Variants in KLHL1 observed in about 807,000 individuals in gnomAD.
The protein encoded by KLHL1 is kelch-like protein 1.
Under a neutral mutation model 77.7 loss-of-function variants are expected in KLHL1, and 47 were observed. The observed-to-expected ratio is 0.60, with a 90% CI of 0.48 to 0.77. The LOEUF (loss-of-function observed/expected upper bound fraction) is 0.77. Among genes scored for constraint, KLHL1 ranks in the 30% least tolerant of loss-of-function variants. The pLI, the probability that KLHL1 is intolerant of heterozygous loss-of-function variation, is 0.00. For missense variants in KLHL1, 925 were observed against 910.8 expected, an observed-to-expected ratio of 1.02 and a Z score of -0.20; for synonymous variants, 360 against 325.2, an observed-to-expected ratio of 1.11 and a Z score of -1.15.
intron 1 of KLHL1, among the ~76,000 whole-genome samples, chr13:70,049,285 T>C (rs547327691): frequency 5.9e-5 from 9 of 152,270 alleles, no homozygotes; most frequent in African/African-American, 1.9e-4. Flanking sequence ...ATTCTTTTAT[T>C]TCTTGTTGTC....
At chr13:70,036,215 T>C (rs1886235516) in intron 1 of KLHL1, among the ~76,000 whole-genome samples, 1 of 151,974 alleles carries the variant, frequency 6.6e-6, no homozygotes, top group South Asian at 2.1e-4. Flanking sequence ...TTTAGAAACA[T>C]TGCTGCTAGG....
chr13:70,085,959 G>A (rs1245756038), intron 1 of KLHL1, among the ~76,000 whole-genome samples: 1 of 152,088 alleles, frequency 6.6e-6, no homozygotes, highest in East Asian at 1.9e-4. Context: ...ATTTCATATT[G>A]CTAAGTAAAA....
chr13:69,943,620 C>A (rs2137243067), intron 3 of KLHL1, among the ~76,000 whole-genome samples: 1 of 151,908 alleles, frequency 6.6e-6, no homozygotes, highest in Non-Finnish European at 1.5e-5. Context: ...TTACAGAAAC[C>A]TATATTTGTA....
At chr13:69,883,258 A>G (rs1881068875) in intron 4 of KLHL1, among the ~76,000 whole-genome samples, 1 of 152,044 alleles carries the variant, frequency 6.6e-6, no homozygotes, top group Non-Finnish European at 1.5e-5. Flanking sequence ...TTTGGTTCAA[A>G]TTTCTTGTTT....
At chr13:70,103,137 A>G (rs1051946270) in intron 1 of KLHL1, among the ~76,000 whole-genome samples, 1 of 152,220 alleles carries the variant, frequency 6.6e-6, no homozygotes, top group Non-Finnish European at 1.5e-5. Flanking sequence ...TATGCATGAC[A>G]TCTCTGTGAT....
rs1467934506 is a variant in KLHL1 at position 69,961,332 on chromosome 13, C to A, written c.793G>T (p.Asp265Tyr). 1.9e-6 allele frequency: 3 copies of A among 1,612,438 alleles called. No homozygotes were observed. The South Asian group carries it at 3.3e-5, about 18-fold the overall frequency. The change falls in exon 3 of 11, where the codon GAC becomes TAC. Residue 265 changes from aspartate to tyrosine, a missense_variant. Coordinates refer to ENST00000377844, the MANE Select transcript of KLHL1 (RefSeq NM_020866.3). ...CCTGTATATGCAAATTGGACAAGGT[C>A]CCAGAGAGCATTGGGGTCTATGCCT... ...MEGIDPNALWDLVQFAYTGCL... is the reference protein window; with the variant it reads ...MEGIDPNALWYLVQFAYTGCL...
At chr13:70,063,685 A>C (rs190164628) in intron 1 of KLHL1, among the ~76,000 whole-genome samples, 15 of 152,204 alleles carry the variant, frequency 9.9e-5, no homozygotes, top group Admixed American at 5.9e-4. Context: ...GAAAGAAAAA[A>C]ATCAGGGTAA....
chr13:70,066,514 T>A (rs990042604), intron 1 of KLHL1, among the ~76,000 whole-genome samples: 1 of 152,204 alleles, frequency 6.6e-6, no homozygotes, highest in Non-Finnish European at 1.5e-5. Flanking sequence ...GAATTCCTCT[T>A]CAGTGCTACA....
chr13:70,045,901 T>G (rs1377119710), intron 1 of KLHL1, among the ~76,000 whole-genome samples: 1 of 152,210 alleles, frequency 6.6e-6, no homozygotes, highest in Non-Finnish European at 1.5e-5. Flanking sequence ...TTTAATCACA[T>G]TTAAACCCTA....
chr13:69,886,260 A>G (rs187646022), intron 4 of KLHL1, among the ~76,000 whole-genome samples: 1 of 152,288 alleles, frequency 6.6e-6, no homozygotes, highest in Admixed American at 6.5e-5. Flanking sequence ...CAGGATAGCT[A>G]CAAAAATAAA....
chr13:69,991,580 A>G (rs192310478), intron 1 of KLHL1, among the ~76,000 whole-genome samples: 22 of 152,032 alleles, frequency 1.4e-4, no homozygotes, highest in Admixed American at 1.4e-3. Context: ...AAAGGTAGAA[A>G]AAATGGATAA....
intron 4 of KLHL1, among the ~76,000 whole-genome samples, chr13:69,928,273 C>T (rs2138276918): frequency 6.6e-6 from 1 of 152,304 alleles, no homozygotes; most frequent in Non-Finnish European, 1.5e-5. Flanking sequence ...CTTCACCTTG[C>T]AGTTTCCCGC....
chr13:69,914,989 G>A (rs560188908), intron 4 of KLHL1, among the ~76,000 whole-genome samples: 5 of 152,238 alleles, frequency 3.3e-5, no homozygotes, highest in African/African-American at 9.6e-5. Flanking sequence ...CCCTCAGAAT[G>A]TCATCAATCC....
At chr13:70,077,574 C>A (rs1395453831) in intron 1 of KLHL1, among the ~76,000 whole-genome samples, 1 of 151,924 alleles carries the variant, frequency 6.6e-6, no homozygotes, top group Non-Finnish European at 1.5e-5. Flanking sequence ...TCTCAAAGTG[C>A]AAACCCATAG....
intron 5 of KLHL1, among the ~76,000 whole-genome samples, chr13:69,859,574 C>CTGTGAATGAATTATTACATCAGGTTGCAA (rs1880056346): frequency 1.3e-5 from 2 of 151,978 alleles, no homozygotes; most frequent in Non-Finnish European, 1.5e-5. Context: ...CTCAATATCC[C>CTGTGAATGAATTATTACATCAGGTTGCAA]TGTGAATGAA....
chr13:69,784,450 C>A (rs1210532152), intron 7 of KLHL1, among the ~76,000 whole-genome samples: 1 of 152,098 alleles, frequency 6.6e-6, no homozygotes, highest in East Asian at 1.9e-4. Context: ...ATCTCATGTG[C>A]AGAGACACAC....
intron 1 of KLHL1, among the ~76,000 whole-genome samples, chr13:70,054,754 G>C (rs1192637064): frequency 1.3e-5 from 2 of 151,542 alleles, no homozygotes; most frequent in Non-Finnish European, 2.9e-5. Context: ...CAGAAATTCT[G>C]GAGCTGAAAA....
intron 1 of KLHL1, among the ~76,000 whole-genome samples, chr13:70,002,053 A>C (rs903352172): frequency 6.6e-6 from 1 of 151,600 alleles, no homozygotes; most frequent in Non-Finnish European, 1.5e-5. Flanking sequence ...ATATTAAAGC[A>C]GGCTATTAGT....
chr13:69,893,896 A>G (rs1881531472), intron 4 of KLHL1, among the ~76,000 whole-genome samples: 1 of 152,228 alleles, frequency 6.6e-6, no homozygotes, highest in South Asian at 2.1e-4. Flanking sequence ...GTGTTGGAGC[A>G]TAGTGACCAA....
Sources: gnomAD v4.1 joint callset for allele counts (sites outside exome capture counted in the v4.1 genomes callset) on GRCh38, gnomAD v4.1.1 for gene constraint, MANE v1.5 for transcripts, NCBI Gene and HGNC (gene_info 2026-07-23, HGNC 2026-07-21) for gene names.